The following SLX4 variants were observed in gnomAD, a reference collection of about 807,000 sequenced individuals.
The protein encoded by SLX4 is structure-specific endonuclease subunit SLX4.
A neutral mutation model predicts 146.2 loss-of-function variants in SLX4; 112 were observed. The observed-to-expected ratio is 0.77, with a 90% CI of 0.66 to 0.90. SLX4 has a LOEUF of 0.90. Ranked by LOEUF, SLX4 falls within the 40% of genes least tolerant of loss-of-function variation. The pLI is 0.00. For missense variants in SLX4, 2,563 were observed against 2,392.7 expected (o/e 1.07, Z -1.49); for synonymous variants, 1,061 against 997.7 (o/e 1.06, Z -1.20).
chr16:3,583,279 C>G lies in SLX4; in HGVS notation c.4971G>C (p.Lys1657Asn). Residue 1657 changes from lysine (K) to asparagine (N), a missense_variant, in exon 14 of 15, where the codon AAG becomes AAC. Coordinates refer to ENST00000294008, the MANE Select transcript of SLX4 (RefSeq NM_032444.4). Reference protein sequence around the residue: ...ATTGPGAHRPKGPAKTKGPRH... With the variant: ...ATTGPGAHRPNGPAKTKGPRH... ...GGGGGCCCTTGGTCTTAGCAGGTCC[C>G]TTGGGCCTATGGGCCCCAGGTCCTG... is the stretch of plus-strand genomic sequence containing the variant. 2 of 1,614,230 alleles carry G rather than the reference C, an allele frequency of 1.2e-6. No individual in the cohort carries two copies. Among genetic ancestry groups the G allele is most frequent in the Non-Finnish European group, 1.7e-6 (2 of 1,180,052 alleles).
In SLX4 at chr16:3,582,464, G is replaced by T. The variant is rs762619200; in HGVS notation, c.5383C>A (p.Arg1795Ser). ...GTGTCCAGGAAGTCCAACAGCCTGC[G>T]CGAGGACACACGGAGGCCGTTCTGC... ...LRQNGLRVSS[R>S]RLLDFLDTHC... Residue 1795 changes from arginine (R) to serine (S), a missense_variant, in exon 15 of 15, where the codon CGC becomes AGC. By Grantham distance (110) the Arg-to-Ser change is moderately radical. Transcript: ENST00000294008. The T allele has an allele frequency of 3.1e-6, 5 of 1,613,914 alleles. No individual in the cohort carries two copies. The African/African-American group carries it at 6.7e-5, about 22-fold the overall frequency.
chr16:3,602,371 T>G, intron 3 of SLX4, 64 bp from the exon 4 acceptor site: 3 of 1,583,378 alleles, frequency 1.9e-6, no homozygotes, highest in Non-Finnish European at 2.6e-6. Context: ...CTCAGACCTC[T>G]GCTCTGTCAG....
chr16:3,606,811 G>T, intron 2 of SLX4, 113 bp from the exon 3 acceptor site: 1 of 1,122,134 alleles, frequency 8.9e-7, no homozygotes. Flanking sequence ...AACTAGTTTA[G>T]GTTTGACTCA....
chr16:3,585,308 C>T (rs544544750), intron 12 of SLX4, among the ~76,000 whole-genome samples: 7 of 152,202 alleles, frequency 4.6e-5, no homozygotes, highest in Admixed American at 2.6e-4. Flanking sequence ...GCAAAGGGGC[C>T]GGGCGCGGTG....
In SLX4 at chr16:3,583,307, G is replaced by A; in HGVS notation, c.4943C>T (p.Thr1648Ile). 1 of 1,614,172 alleles carries A rather than the reference G, an allele frequency of 6.2e-7. No individual in the cohort carries two copies. The highest frequency in any genetic ancestry group is 1.1e-5 in the South Asian group (1 of 91,086). The change falls in exon 14 of 15, where the codon ACC (threonine) becomes ATC (isoleucine). Residue 1648 changes from threonine to isoleucine, a missense_variant. Transcript: ENST00000294008. ...RAGVHAQQEA[T>I]TGPGAHRPKG... ...GGGCCTATGGGCCCCAGGTCCTGTG[G>A]TGGCCTCCTGCTGGGCATGGACCCC...
Position 3,590,593 on chromosome 16 carries a change from C to G in SLX4, c.3045G>C (p.Gly1015=), listed in dbSNP as rs1334575564. The change falls in exon 12 of 15, where the codon GGG becomes GGC. Residue 1015 remains glycine, a synonymous_variant. Coordinates refer to ENST00000294008, the MANE Select transcript of SLX4 (RefSeq NM_032444.4). This position sits in a 1 kb window ranked among gnomAD's most constrained non-coding sequence, Gnocchi z 4.8. ...EEQSGAVRER[G]LEVSHRLAPW... ...GAGCCAGGCGATGAGAAACCTCCAG[C>G]CCCCTTTCCCTGACAGCGCCACTTT... 1 of 1,613,610 alleles carries G rather than the reference C, an allele frequency of 6.2e-7. No homozygotes were observed. The highest frequency in any genetic ancestry group is 8.5e-7 in the Non-Finnish European group (1 of 1,179,542).
At chr16:3,583,560 C>T in intron 13 of SLX4, 50 bp from the exon 14 acceptor site, 1 of 1,601,500 alleles carries the variant, frequency 6.2e-7, no homozygotes, top group Non-Finnish European at 8.5e-7. Context: ...AGCTGGTCCA[C>T]ACTCCACGTT....
Position 3,589,399 on chromosome 16 carries a change from G to C in SLX4, c.4239C>G (p.Pro1413=). Residue 1413 remains proline (P), a synonymous_variant, in exon 12 of 15, where the codon CCC becomes CCG. Transcript: ENST00000294008. The surrounding 1 kb of genome is among the most constrained non-coding windows in gnomAD (Gnocchi z 6.2). ...EVASHQANRS[P]PLDSDPPIPI... is the part of the protein sequence containing the mutation. ...GAATTGGGGGGTCACTGTCCAGTGGGGGGCTTCTGTTGGCCTGATGGGAGG... is the reference window on the plus strand; with the variant it reads ...GAATTGGGGGGTCACTGTCCAGTGGCGGGCTTCTGTTGGCCTGATGGGAGG... 6.3e-7 allele frequency: 1 copy of C among 1,599,742 alleles called. No homozygotes were observed. The highest frequency in any genetic ancestry group is 1.3e-5 in the African/African-American group (1 of 74,752).
Position 3,591,029 on chromosome 16 carries a change from G to A in SLX4, c.2609C>T (p.Ala870Val), listed in dbSNP as rs149584080. 6.5e-4 allele frequency: 1,048 copies of A among 1,614,166 alleles called. 2 individuals are homozygous for A. Among genetic ancestry groups the A allele is most frequent in the South Asian group, 1.1e-3 (100 of 91,088 alleles). The change falls in exon 12 of 15, where the codon GCA becomes GTA. Residue 870 changes from alanine (A) to valine (V), a missense_variant. Physicochemically the swap from Ala to Val is moderately conservative, Grantham distance 64. Transcript: ENST00000294008. ...TQRKLLQEER[A>V]AGAGEDADWL... ...GTCAGCGTCCTCGCCGGCACCCGCT[G>A]CCCTTTCTTCCTGGAGAAGCTTTCG...
rs1247939677 is a variant in SLX4 at position 3,595,514 on chromosome 16, G to A, written c.2013+91C>T. 3 of 1,423,490 alleles carry A rather than the reference G, an allele frequency of 2.1e-6. No homozygotes were observed. The African/African-American group carries it at 4.2e-5, about 20-fold the overall frequency. 88.2% of individuals were successfully genotyped at this position (1,423,490 alleles called of 1,614,324 possible). A position where few individuals can be genotyped will look rare whatever the true frequency, so the allele number is the denominator to read the frequency against. On this transcript the variant is annotated intron_variant, in intron 9 of 14. Transcript: ENST00000294008. ...TGAGAGGCCACTGCACTTGCGTTGG[G>A]GGCCAGAGGCCAGCGGTGAGCCAAC...
At chr16:3,588,074 C>CT (rs749894612) in intron 12 of SLX4, among the ~76,000 whole-genome samples, 1 of 152,166 alleles carries the variant, frequency 6.6e-6, no homozygotes, top group African/African-American at 2.4e-5. Context: ...CCACCTGATT[C>CT]TTTTTTTAAT....
chr16:3,584,698 G>A (rs2040487566), intron 13 of SLX4, 71 bp downstream of exon 13: 5 of 1,210,140 alleles, frequency 4.1e-6, no homozygotes, highest in South Asian at 1.2e-5. Context: ...TCCGCCCCCA[G>A]GTGTGTGAAA....
chr16:3,590,268 T>C lies in SLX4; in HGVS notation c.3370A>G (p.Ile1124Val), dbSNP rs766081510. 76 of 1,614,186 alleles carry C rather than the reference T, an allele frequency of 4.7e-5. No homozygotes were observed. The South Asian group carries it at 5.7e-4, about 12-fold the overall frequency. ...TCAGGATTTGACTGGGTTAGGTCAA[T>C]AGACGGAGATTTTTCTGGGAACATC... is the stretch of plus-strand genomic sequence containing the variant. ...VLMFPEKSPSIDLTQSNPDHS... is the reference protein window; with the variant it reads ...VLMFPEKSPSVDLTQSNPDHS... Residue 1124 changes from isoleucine to valine, a missense_variant, in exon 12 of 15, where the codon ATT (isoleucine) becomes GTT (valine). Physicochemically the swap from Ile to Val is conservative, Grantham distance 29. Transcript: ENST00000294008. The surrounding 1 kb of genome is among the most constrained non-coding windows in gnomAD (Gnocchi z 4.8).
rs2040581569 is a variant in SLX4 at position 3,590,875 on chromosome 16, C to T, written c.2763G>A (p.Glu921=). ...GCGGGAGAGCGCACTGTCCCATCTT[C>T]TCCCAGGTGGTGGCGGCCTCATCTC... ...PGRDEAATTW[E]KMGQCALPPP... Residue 921 remains glutamate (E), a synonymous_variant, in exon 12 of 15, where the codon GAG becomes GAA. Transcript: ENST00000294008. This position sits in a 1 kb window ranked among gnomAD's most constrained non-coding sequence, Gnocchi z 4.8. The T allele has an allele frequency of 1.2e-6, 2 of 1,614,034 alleles. No individual in the cohort carries two copies. Among genetic ancestry groups the T allele is most frequent in the African/African-American group, 1.3e-5 (1 of 74,912 alleles).
intron 12 of SLX4, among the ~76,000 whole-genome samples, chr16:3,585,585 C>CA (rs35181087): frequency 0.22 from 19,575 of 89,912 alleles, 1,966 homozygotes; most frequent in South Asian, 0.29. Flanking sequence ...GACTCTGTCT[C>CA]AAAAAAAAAA....
chr16:3,589,255 G>A lies in SLX4; in HGVS notation c.4383C>T (p.Ala1461=), dbSNP rs556719111. The A allele has an allele frequency of 1.4e-5, 23 of 1,604,942 alleles. No homozygotes were observed. The East Asian group carries it at 2.5e-4, about 17-fold the overall frequency. The change falls in exon 12 of 15, where the codon GCC becomes GCT. Residue 1461 remains alanine, a synonymous_variant. Transcript: ENST00000294008. The surrounding 1 kb of genome is among the most constrained non-coding windows in gnomAD (Gnocchi z 6.2). ...TSSPSRRMNE[A]ADSRDCRSPG... is the part of the protein sequence containing the mutation. ...GGGAGCGACAGTCACGGCTGTCGGC[G>A]GCCTCGTTCATCCTGCGGCTGGGGC...
In SLX4 at chr16:3,584,571, A is replaced by T. The variant is rs75753413; in HGVS notation, c.4739+198T>A. Among the ~76,000 whole-genome samples the T allele has an allele frequency of 0.022, 3,274 of 152,226 alleles. 119 individuals carry two copies. The highest frequency in any genetic ancestry group is 0.068 in the African/African-American group (2,832 of 41,516). On this transcript the variant is annotated intron_variant, in intron 13 of 14. Coordinates refer to ENST00000294008, the MANE Select transcript of SLX4 (RefSeq NM_032444.4). ...GGAATGGTACGCAGAGAGAACTGGG[A>T]GGCTCACCCCGGCACCCAGCAGTCA...
intron 10 of SLX4, among the ~76,000 whole-genome samples, chr16:3,593,320 C>A (rs1190206003): frequency 6.6e-6 from 1 of 152,208 alleles, no homozygotes; most frequent in Non-Finnish European, 1.5e-5. Context: ...GTGATCCACC[C>A]TCCTCGGCCT....
intron 12 of SLX4, among the ~76,000 whole-genome samples, chr16:3,588,137 A>G (rs1318315350): frequency 6.6e-6 from 1 of 152,254 alleles, no homozygotes; most frequent in Non-Finnish European, 1.5e-5. Flanking sequence ...AGTGGCATTA[A>G]GTATTCACAA....
Sources: allele counts gnomAD v4.1 joint callset (sites outside exome capture counted in the v4.1 genomes callset), GRCh38; gene constraint gnomAD v4.1.1; non-coding constraint Gnocchi (gnomAD v3.1); transcripts MANE v1.5; gene names NCBI Gene and HGNC (gene_info 2026-07-23, HGNC 2026-07-21).